MTUS2: variants seen among roughly 807,000 people sequenced by gnomAD.
MTUS2 encodes the protein microtubule associated scaffold protein 2, also known as microtubule-associated tumor suppressor candidate 2.
In MTUS2, 40 loss-of-function variants were observed where a neutral mutation model predicts 114.1. The ratio of observed to expected loss-of-function variants is 0.35; its 90% confidence interval spans 0.27 to 0.46. The LOEUF (loss-of-function observed/expected upper bound fraction) is 0.46. Among genes scored for constraint, MTUS2 ranks in the 20% least tolerant of loss-of-function variants. MTUS2 has a pLI of 1.00. For synonymous variants in MTUS2, 688 were observed against 672.0 expected, an observed-to-expected ratio of 1.02 and a Z score of -0.37; for missense variants, 1,679 against 1,705.4, an observed-to-expected ratio of 0.98 and a Z score of 0.27.
chr13:28,862,611 A>G (rs1877062702), intron 2 of MTUS2, among the ~76,000 whole-genome samples: 1 of 152,120 alleles, frequency 6.6e-6, no homozygotes, highest in African/African-American at 2.4e-5. Context: ...CAAGACTCCC[A>G]CTCAAAAACC....
At chr13:29,321,889 G>C (rs892252303) in intron 6 of MTUS2, among the ~76,000 whole-genome samples, 2 of 152,110 alleles carry the variant, frequency 1.3e-5, no homozygotes, top group African/African-American at 4.8e-5. Flanking sequence ...TTCCATGCAT[G>C]CTGTTCAACT....
In MTUS2 at chr13:28,946,304, T is replaced by TCAC. The variant is rs1566243028; in HGVS notation, c.-242-78153_-242-78152insCAC. Among the ~76,000 whole-genome samples the TCAC allele has an allele frequency of 8.8e-3, 1,322 of 150,322 alleles. 20 individuals are homozygous for TCAC. The highest frequency in any genetic ancestry group is 0.03 in the African/African-American group (1,223 of 40,676). On this transcript the variant is annotated intron_variant, in intron 2 of 15. Transcript: ENST00000612955. The stretch of plus-strand genomic sequence containing the variant: ...GTGTGTGTGTGTGTGTGTGTGTGTG[T>TCAC]GCGCGCGCACATACCTGCGTGCAAG...
intron 8 of MTUS2, among the ~76,000 whole-genome samples, chr13:29,360,800 C>T (rs1161822282): frequency 2.7e-5 from 4 of 148,872 alleles, no homozygotes; most frequent in Non-Finnish European, 3.0e-5. Flanking sequence ...GGTGATTCGT[C>T]GTATTTCCCA....
chr13:29,316,175 G>A (rs11618964), intron 6 of MTUS2, among the ~76,000 whole-genome samples: 15,402 of 152,246 alleles, frequency 0.1, 954 homozygotes, highest in Non-Finnish European at 0.13. Flanking sequence ...CTTTACACAC[G>A]TGTGGGGCCT....
chr13:29,376,889 T>C (rs905857042), intron 8 of MTUS2, among the ~76,000 whole-genome samples: 1 of 152,112 alleles, frequency 6.6e-6, no homozygotes, highest in African/African-American at 2.4e-5. Flanking sequence ...GAAACTGGCT[T>C]CAAATATAAT....
chr13:28,966,772 G>A (rs1480428788), intron 2 of MTUS2, among the ~76,000 whole-genome samples: 1 of 139,142 alleles, frequency 7.2e-6, no homozygotes, highest in African/African-American at 2.6e-5. Flanking sequence ...ATTATTTTTT[G>A]AACATTTCTC....
chr13:29,480,413 C>A lies in MTUS2; in HGVS notation c.3399+49C>A. 1 of 1,460,360 alleles carries A rather than the reference C, an allele frequency of 6.8e-7. No individual in the cohort carries two copies. Among genetic ancestry groups the A allele is most frequent in the Non-Finnish European group, 9.1e-7 (1 of 1,102,002 alleles). 90.5% of individuals were successfully genotyped at this position (1,460,360 alleles called of 1,614,324 possible). ...CTCTGCTGTTGGGTGATGCAGGTGG[C>A]GGGCGGCGGGGATCCAGTGCCACAT... On this transcript the variant is annotated intron_variant, in intron 10 of 15. Transcript: ENST00000612955. The surrounding 1 kb of genome is among the most constrained non-coding windows in gnomAD (Gnocchi z 4.4).
chr13:29,236,553 A>T (rs1372331619), intron 5 of MTUS2, among the ~76,000 whole-genome samples: 4 of 152,214 alleles, frequency 2.6e-5, no homozygotes, highest in African/African-American at 4.8e-5. Context: ...CTTCTATTTT[A>T]CTTATTTTAA....
intron 10 of MTUS2, among the ~76,000 whole-genome samples, chr13:29,482,884 G>A (rs1369916105): frequency 2.0e-5 from 3 of 152,224 alleles, no homozygotes; most frequent in Admixed American, 6.5e-5. Context: ...GCTGCAGAAC[G>A]TTGGCTGTTT....
At chr13:28,976,152 C>A (rs1370800187) in intron 2 of MTUS2, among the ~76,000 whole-genome samples, 2 of 140,690 alleles carry the variant, frequency 1.4e-5, no homozygotes, top group Admixed American at 7.5e-5. Context: ...AGCAGTGAGC[C>A]ATGATTGCAC....
chr13:28,985,322 C>G (rs1342658723), intron 2 of MTUS2, among the ~76,000 whole-genome samples: 1 of 152,106 alleles, frequency 6.6e-6, no homozygotes, highest in African/African-American at 2.4e-5. Context: ...AAGGTAGTTG[C>G]AAAAATCCAC....
At chr13:29,464,159 A>G (rs905094047) in intron 9 of MTUS2, among the ~76,000 whole-genome samples, 2 of 152,184 alleles carry the variant, frequency 1.3e-5, no homozygotes, top group Non-Finnish European at 2.9e-5. Flanking sequence ...GGTGCCTGCA[A>G]GGAGGCTGGG....
At chr13:29,502,312 A>C (rs1882963146) in intron 15 of MTUS2, among the ~76,000 whole-genome samples, 1 of 152,260 alleles carries the variant, frequency 6.6e-6, no homozygotes. Context: ...TCAAAAATGC[A>C]ACAAAGCAAG....
At chr13:28,836,113 C>G (rs1455646978) in intron 1 of MTUS2, among the ~76,000 whole-genome samples, 1 of 152,084 alleles carries the variant, frequency 6.6e-6, no homozygotes, top group Non-Finnish European at 1.5e-5. Context: ...CTAGTACCTG[C>G]ATTTAAAAAT....
chr13:28,878,249 A>ATG (rs946934358), intron 2 of MTUS2, among the ~76,000 whole-genome samples: 13 of 151,120 alleles, frequency 8.6e-5, no homozygotes, highest in East Asian at 1.9e-4. Context: ...ATATGTATAT[A>ATG]TGTGTGTGTG....
chr13:28,880,707 A>C (rs932077659), intron 2 of MTUS2, among the ~76,000 whole-genome samples: 1 of 152,166 alleles, frequency 6.6e-6, no homozygotes, highest in Non-Finnish European at 1.5e-5. Context: ...TTGTTTTTCC[A>C]TGTACATATT....
chr13:29,447,301 A>C (rs1418377373), intron 9 of MTUS2, among the ~76,000 whole-genome samples: 1 of 150,946 alleles, frequency 6.6e-6, no homozygotes, highest in Non-Finnish European at 1.5e-5. Flanking sequence ...ACCTCAAACC[A>C]AAAAATGCCA....
chr13:29,393,377 C>T (rs1229041845), intron 8 of MTUS2, among the ~76,000 whole-genome samples: 1 of 152,152 alleles, frequency 6.6e-6, no homozygotes, highest in African/African-American at 2.4e-5. Flanking sequence ...CCAAGTGGAA[C>T]CATTACCTTT....
chr13:28,829,607 C>T (rs1373266545), intron 1 of MTUS2, among the ~76,000 whole-genome samples: 3 of 152,128 alleles, frequency 2.0e-5, no homozygotes, highest in Non-Finnish European at 4.4e-5. Flanking sequence ...CCTCTAAGAT[C>T]CCCAGTCTCA....
Sources: allele counts gnomAD v4.1 joint callset (sites outside exome capture counted in the v4.1 genomes callset), GRCh38; gene constraint gnomAD v4.1.1; non-coding constraint Gnocchi (gnomAD v3.1); transcripts MANE v1.5; gene names NCBI Gene and HGNC (gene_info 2026-07-23, HGNC 2026-07-21).